Variants in NKX1-2 observed in about 807,000 individuals in gnomAD.
The protein encoded by NKX1-2 is NK1 homeobox 2, also known as NK1 transcription factor-related protein 2.
Under a neutral mutation model 4.4 loss-of-function variants are expected in NKX1-2, and 1 was observed. The observed-to-expected ratio is 0.23, with a 90% CI of 0.08 to 1.08. The LOEUF is 1.08. Among genes scored for constraint, NKX1-2 ranks in the 50% least tolerant of loss-of-function variants. NKX1-2 has a pLI of 0.55. For missense variants in NKX1-2, 503 were observed against 464.6 expected (o/e 1.08, Z -0.76); for synonymous variants, 235 against 228.0 (o/e 1.03, Z -0.28).
rs778064899 is a variant in NKX1-2 at position 124,448,046 on chromosome 10, G to T, written c.316C>A (p.Arg106=). The change falls in exon 2 of 2, where the codon CGG becomes AGG. Residue 106 remains arginine (R), a synonymous_variant. Coordinates refer to ENST00000451024, the MANE Select transcript of NKX1-2 (RefSeq NM_001146340.3). This position sits in a 1 kb window ranked among gnomAD's most constrained non-coding sequence, Gnocchi z 4.1. ...EDPRRPRLRE[R]AARLLPGLAR... ...AGGCCCGGCAGCAAGCGCGCAGCCC[G>T]CTCCCGCAGCCGCGGCCTCCTCGGA... The T allele has an allele frequency of 2.6e-6, 4 of 1,518,536 alleles. No individual in the cohort carries two copies. Among genetic ancestry groups the T allele is most frequent in the South Asian group, 1.2e-5 (1 of 83,004 alleles). 94.1% of individuals were successfully genotyped at this position (1,518,536 alleles called of 1,614,324 possible). A position where few individuals can be genotyped will look rare whatever the true frequency, so the allele number is the denominator to read the frequency against.
In NKX1-2 at chr10:124,448,933, G is replaced by A. The variant is rs545118599; in HGVS notation, c.215-786C>T. On this transcript the variant is annotated intron_variant, in intron 1 of 1. Transcript: ENST00000451024. The surrounding 1 kb of genome is among the most constrained non-coding windows in gnomAD (Gnocchi z 4.1). Reference sequence around the variant, plus strand: ...CAATCACCGCCAAACTTGGGGAGGGGAGCAGGGGGCTGCGCGGCATCCAGC... The same window carrying A: ...CAATCACCGCCAAACTTGGGGAGGGAAGCAGGGGGCTGCGCGGCATCCAGC... Among the ~76,000 whole-genome samples the A allele has an allele frequency of 6.6e-6, 1 of 152,276 alleles. No individual in the cohort carries two copies. The highest frequency in any genetic ancestry group is 1.5e-5 in the Non-Finnish European group (1 of 68,008).
chr10:124,448,036 C>T lies in NKX1-2; in HGVS notation c.326G>A (p.Arg109His). The change falls in exon 2 of 2, where the codon CGC becomes CAC. Residue 109 changes from arginine to histidine, a missense_variant. Coordinates refer to ENST00000451024, the MANE Select transcript of NKX1-2 (RefSeq NM_001146340.3). The surrounding 1 kb of genome is among the most constrained non-coding windows in gnomAD (Gnocchi z 4.1). ...RRPRLRERAA[R>H]LLPGLARSPD... ...TGAGCGCGCTAGGCCCGGCAGCAAG[C>T]GCGCAGCCCGCTCCCGCAGCCGCGG... 2.0e-6 allele frequency: 3 copies of T among 1,516,730 alleles called. No homozygotes were observed. The highest frequency in any genetic ancestry group is 2.6e-6 in the Non-Finnish European group (3 of 1,137,900). The allele number at this position is 1,516,730 out of a possible 1,614,324, so 94.0% of individuals were successfully genotyped here.
chr10:124,447,898 C>A lies in NKX1-2; in HGVS notation c.464G>T (p.Arg155Leu). Reference sequence around the variant, plus strand: ...CGGCTTGGCGCAGTTGGGCTCCAGGCGCCGGCGCCTGGGACGCGGGGAGCC... The same window carrying A: ...CGGCTTGGCGCAGTTGGGCTCCAGGAGCCGGCGCCTGGGACGCGGGGAGCC... ...SPGSPRPRRR[R>L]LEPNCAKPRR... Residue 155 changes from arginine (R) to leucine (L), a missense_variant, in exon 2 of 2, where the codon CGC becomes CTC. Arg to Leu is a moderately radical substitution (Grantham distance 102, BLOSUM62 -2). Coordinates refer to ENST00000451024, the MANE Select transcript of NKX1-2 (RefSeq NM_001146340.3). 2.8e-6 allele frequency: 4 copies of A among 1,415,666 alleles called. No homozygotes were observed. Among genetic ancestry groups the A allele is most frequent in the Non-Finnish European group, 3.7e-6 (4 of 1,079,900 alleles). 87.7% of individuals were successfully genotyped at this position (1,415,666 alleles called of 1,614,324 possible).
At position 124,448,259 on chromosome 10, in the gene NKX1-2, G is replaced by C; in HGVS notation, c.215-112C>G. ...CAACCCAACTCTGGGTGCTGCTCCTGTCCCCACATCGCGCTCCCCTTAGGC... is the reference window on the plus strand; with the variant it reads ...CAACCCAACTCTGGGTGCTGCTCCTCTCCCCACATCGCGCTCCCCTTAGGC... On this transcript the variant is annotated intron_variant, in intron 1 of 1. Coordinates refer to ENST00000451024, the MANE Select transcript of NKX1-2 (RefSeq NM_001146340.3). This position sits in a 1 kb window ranked among gnomAD's most constrained non-coding sequence, Gnocchi z 4.1. 2.3e-6 allele frequency: 3 copies of C among 1,317,764 alleles called. No individual in the cohort carries two copies. In the East Asian group the frequency reaches 9.4e-5, roughly 41 times the overall value. 81.6% of individuals were successfully genotyped at this position (1,317,764 alleles called of 1,614,324 possible). A position where few individuals can be genotyped will look rare whatever the true frequency, so the allele number is the denominator to read the frequency against.
Position 124,448,428 on chromosome 10 carries a change from G to T in NKX1-2, c.215-281C>A, listed in dbSNP as rs563261193. On this transcript the variant is annotated intron_variant, in intron 1 of 1. Coordinates refer to ENST00000451024, the MANE Select transcript of NKX1-2 (RefSeq NM_001146340.3). The surrounding 1 kb of genome is among the most constrained non-coding windows in gnomAD (Gnocchi z 4.1). ...TAAGAAAAAATAGTGACATTATTGG[G>T]TAACCATACTGGGGGGTAGGATCAT... The T allele has an allele frequency of 2.0e-5, 7 of 353,816 alleles. No individual in the cohort carries two copies. Among genetic ancestry groups the T allele is most frequent in the African/African-American group, 1.5e-4 (7 of 47,662 alleles). 21.9% of individuals were successfully genotyped at this position (353,816 alleles called of 1,614,324 possible).
chr10:124,447,618 G>A lies in NKX1-2; in HGVS notation c.744C>T (p.Gly248=), dbSNP rs1952253022. Residue 248 remains glycine, a synonymous_variant, in exon 2 of 2, where the codon GGC becomes GGT. Coordinates refer to ENST00000451024, the MANE Select transcript of NKX1-2 (RefSeq NM_001146340.3). ...PGAAGGGGGG[G]SGGSPGPPGT... is the part of the protein sequence containing the mutation. ...CGGGAGGGCCAGGACTGCCCCCCGAGCCGCCGCCGCCGCCGCCCCCCGCCG... is the reference window on the plus strand; with the variant it reads ...CGGGAGGGCCAGGACTGCCCCCCGAACCGCCGCCGCCGCCGCCCCCCGCCG... 1.6e-6 allele frequency: 2 copies of A among 1,265,956 alleles called. No individual in the cohort carries two copies. The highest frequency in any genetic ancestry group is 2.0e-6 in the Non-Finnish European group (2 of 1,005,606). The allele number at this position is 1,265,956 out of a possible 1,614,324, so 78.4% of individuals were successfully genotyped here. A position where few individuals can be genotyped will look rare whatever the true frequency, so the allele number is the denominator to read the frequency against.
In NKX1-2 at chr10:124,449,441, T is replaced by C; in HGVS notation, c.214+289A>G. ...TAAATGCCCGATAAATGAGTAAGCC[T>C]GGCAAGACAGGCGCCAGGTAAGTTT... On this transcript the variant is annotated intron_variant, in intron 1 of 1. Coordinates refer to ENST00000451024, the MANE Select transcript of NKX1-2 (RefSeq NM_001146340.3). This position sits in a 1 kb window ranked among gnomAD's most constrained non-coding sequence, Gnocchi z 7.5. 1 of 663,982 alleles carries C rather than the reference T, an allele frequency of 1.5e-6. No homozygotes were observed. The highest frequency in any genetic ancestry group is 2.8e-6 in the Non-Finnish European group (1 of 360,498). The allele number at this position is 663,982 out of a possible 1,614,324, so 41.1% of individuals were successfully genotyped here.
Position 124,447,564 on chromosome 10 carries a change from G to A in NKX1-2, c.798C>T (p.Phe266=), listed in dbSNP as rs1232397718. The A allele has an allele frequency of 3.1e-6, 4 of 1,274,344 alleles. No homozygotes were observed. The highest frequency in any genetic ancestry group is 4.0e-6 in the Non-Finnish European group (4 of 1,008,050). 78.9% of individuals were successfully genotyped at this position (1,274,344 alleles called of 1,614,324 possible). A position where few individuals can be genotyped will look rare whatever the true frequency, so the allele number is the denominator to read the frequency against. ...PGTGALHFQT[F]PSYSAANVLF... ...GGACATTGGCCGCGGAGTAGGAGGG[G>A]AAAGTCTGGAAGTGCAGAGCGCCGG... The change falls in exon 2 of 2, where the codon TTC becomes TTT. Residue 266 remains phenylalanine (F), a synonymous_variant. Transcript: ENST00000451024.
rs1052187729 is a variant in NKX1-2, at chr10:124,447,573, G to C, written c.789C>G (p.Phe263Leu). Reference sequence around the variant, plus strand: ...CCGCGGAGTAGGAGGGGAAAGTCTGGAAGTGCAGAGCGCCGGTGCCGGGAG... The same window carrying C: ...CCGCGGAGTAGGAGGGGAAAGTCTGCAAGTGCAGAGCGCCGGTGCCGGGAG... ...PGPPGTGALHFQTFPSYSAAN... is the reference protein window; with the variant it reads ...PGPPGTGALHLQTFPSYSAAN... Residue 263 changes from phenylalanine (F) to leucine (L), a missense_variant, in exon 2 of 2, where the codon TTC becomes TTG. Coordinates refer to ENST00000451024, the MANE Select transcript of NKX1-2 (RefSeq NM_001146340.3). 5.1e-5 allele frequency: 65 copies of C among 1,272,444 alleles called. No homozygotes were observed. The highest frequency in any genetic ancestry group is 6.2e-5 in the African/African-American group (4 of 64,636). The allele number at this position is 1,272,444 out of a possible 1,614,324, so 78.8% of individuals were successfully genotyped here.
At position 124,449,653 on chromosome 10, in the gene NKX1-2, G is replaced by A. The variant is rs1238148895; in HGVS notation, c.214+77C>T. On this transcript the variant is annotated intron_variant, in intron 1 of 1. Coordinates refer to ENST00000451024, the MANE Select transcript of NKX1-2 (RefSeq NM_001146340.3). This position sits in a 1 kb window ranked among gnomAD's most constrained non-coding sequence, Gnocchi z 7.5. ...AAGACGCTGTTAAGGGCCACTCACC[G>A]GGCCCGGCTGTTCCCCCATACACTC... is the stretch of plus-strand genomic sequence containing the variant. 1.4e-5 allele frequency: 16 copies of A among 1,112,598 alleles called. No individual in the cohort carries two copies. The highest frequency in any genetic ancestry group is 2.0e-5 in the Non-Finnish European group (15 of 754,884). The allele number at this position is 1,112,598 out of a possible 1,614,324, so 68.9% of individuals were successfully genotyped here.
chr10:124,448,072 T>C lies in NKX1-2; in HGVS notation c.290A>G (p.Asp97Gly), dbSNP rs1484928253. ...CTCCCGCAGCCGCGGCCTCCTCGGA[T>C]CCTCCGCATCCTCCTCCTCTTCCGC... Reference protein sequence around the residue: ...SEAEEEEDAEDPRRPRLRERA... With the variant: ...SEAEEEEDAEGPRRPRLRERA... The change falls in exon 2 of 2, where the codon GAT (aspartate) becomes GGT (glycine). Residue 97 changes from aspartate to glycine, a missense_variant. Physicochemically the swap from Asp to Gly is moderately conservative, Grantham distance 94. Transcript: ENST00000451024. This position sits in a 1 kb window ranked among gnomAD's most constrained non-coding sequence, Gnocchi z 4.1. 7 of 1,522,056 alleles carry C rather than the reference T, an allele frequency of 4.6e-6. No individual in the cohort carries two copies. In the South Asian group the frequency reaches 7.2e-5, roughly 16 times the overall value. 94.3% of individuals were successfully genotyped at this position (1,522,056 alleles called of 1,614,324 possible).
In NKX1-2 at chr10:124,446,618, T is replaced by C. The variant is rs1269309544; in HGVS notation, c.*811A>G. ...ATTAGTTGAGCCATCGCTGCCTTCA[T>C]TATCATTTTTATGCCTTTGGGGTCA... On this transcript the variant is annotated 3_prime_UTR_variant, in exon 2 of 2. Transcript: ENST00000451024. 6.6e-6 allele frequency: 1 copy of C among 152,204 alleles called. No homozygotes were observed. The highest frequency in any genetic ancestry group is 1.5e-5 in the Non-Finnish European group (1 of 68,040). The allele number at this position is 152,204 out of a possible 1,614,324, so 9.4% of individuals were successfully genotyped here. A position where few individuals can be genotyped will look rare whatever the true frequency, so the allele number is the denominator to read the frequency against.
At position 124,449,735 on chromosome 10, in the gene NKX1-2, G is replaced by T; in HGVS notation, c.209C>A (p.Thr70Asn). 1 of 1,550,414 alleles carries T rather than the reference G, an allele frequency of 6.4e-7. No homozygotes were observed. Among genetic ancestry groups the T allele is most frequent in the South Asian group, 1.2e-5 (1 of 84,050 alleles). ...GGGGCCGCCTTGCATCTTACCAGGGGTCTCCAGCTGTCGGACAGGGTCCCT... is the reference window on the plus strand; with the variant it reads ...GGGGCCGCCTTGCATCTTACCAGGGTTCTCCAGCTGTCGGACAGGGTCCCT... ...SSRDPVRQLE[T>N]PDAAGPGAGQ... The change falls in exon 1 of 2, where the codon ACC (threonine) becomes AAC (asparagine). Residue 70 changes from threonine to asparagine, a missense_variant. Coordinates refer to ENST00000451024, the MANE Select transcript of NKX1-2 (RefSeq NM_001146340.3). The surrounding 1 kb of genome is among the most constrained non-coding windows in gnomAD (Gnocchi z 7.5).
At position 124,448,008 on chromosome 10, in the gene NKX1-2, AGGTGAGC is replaced by A. The variant is rs1190888340; in HGVS notation, c.347_353del (p.Arg116LeufsTer22). ...ACGCCAATGCCCCGGCCGGGGCGTC[AGGTGAGC>A]GCGCTAGGCCCGGCAGCAAGCGCGC... On this transcript the variant is annotated frameshift_variant, in exon 2 of 2. Transcript: ENST00000451024. LOFTEE classifies it low-confidence loss of function (END_TRUNC). The surrounding 1 kb of genome is among the most constrained non-coding windows in gnomAD (Gnocchi z 4.1). 1 of 1,497,566 alleles carries A rather than the reference AGGTGAGC, an allele frequency of 6.7e-7. No homozygotes were observed. Among genetic ancestry groups the A allele is most frequent in the Admixed American group, 2.2e-5 (1 of 46,034 alleles). 92.8% of individuals were successfully genotyped at this position (1,497,566 alleles called of 1,614,324 possible).
At position 124,449,791 on chromosome 10, in the gene NKX1-2, C is replaced by T; in HGVS notation, c.153G>A (p.Ala51=). 2 of 1,551,722 alleles carry T rather than the reference C, an allele frequency of 1.3e-6. No homozygotes were observed. The highest frequency in any genetic ancestry group is 1.7e-6 in the Non-Finnish European group (2 of 1,146,990). ...TGGCATCTTTCCCCGCTTCGACCTC[C>T]GCCAAACTTTTCCTGGCTTCCCGGG... ...PAPREARKSL[A]EVEAGKDASS... is the part of the protein sequence containing the mutation. The change falls in exon 1 of 2, where the codon GCG becomes GCA. Residue 51 remains alanine, a synonymous_variant. Coordinates refer to ENST00000451024, the MANE Select transcript of NKX1-2 (RefSeq NM_001146340.3). This position sits in a 1 kb window ranked among gnomAD's most constrained non-coding sequence, Gnocchi z 7.5.
rs1952265764 is a variant in NKX1-2 at position 124,448,350 on chromosome 10, A to T, written c.215-203T>A. ...TCCTCTTGCCCTTTACAAATCTGCC[A>T]TCAAGTAGGCGTCCAAGAAATGTAC... On this transcript the variant is annotated intron_variant, in intron 1 of 1. Transcript: ENST00000451024. The surrounding 1 kb of genome is among the most constrained non-coding windows in gnomAD (Gnocchi z 4.1). 4.0e-6 allele frequency: 3 copies of T among 759,096 alleles called. No homozygotes were observed. Among genetic ancestry groups the T allele is most frequent in the Non-Finnish European group, 5.4e-6 (3 of 553,686 alleles). 47.0% of individuals were successfully genotyped at this position (759,096 alleles called of 1,614,324 possible).
chr10:124,449,533 T>C lies in NKX1-2; in HGVS notation c.214+197A>G. The stretch of plus-strand genomic sequence containing the variant: ...GGTGAGCAGGGATGCGGCAAATCCC[T>C]GCCCTGTAATGCGGGGAGCCTCCTC... On this transcript the variant is annotated intron_variant, in intron 1 of 1. Coordinates refer to ENST00000451024, the MANE Select transcript of NKX1-2 (RefSeq NM_001146340.3). The surrounding 1 kb of genome is among the most constrained non-coding windows in gnomAD (Gnocchi z 7.5). 1 of 700,862 alleles carries C rather than the reference T, an allele frequency of 1.4e-6. No individual in the cohort carries two copies. Among genetic ancestry groups the C allele is most frequent in the East Asian group, 2.7e-5 (1 of 37,188 alleles). 43.4% of individuals were successfully genotyped at this position (700,862 alleles called of 1,614,324 possible).
At position 124,448,873 on chromosome 10, in the gene NKX1-2, C is replaced by G. The variant is rs1952270607; in HGVS notation, c.215-726G>C. 6.6e-6 allele frequency among the ~76,000 whole-genome samples: 1 copy of G among 152,170 alleles called. No homozygotes were observed. The highest frequency in any genetic ancestry group is 1.5e-5 in the Non-Finnish European group (1 of 68,032). On this transcript the variant is annotated intron_variant, in intron 1 of 1. Transcript: ENST00000451024. This position sits in a 1 kb window ranked among gnomAD's most constrained non-coding sequence, Gnocchi z 4.1. The stretch of plus-strand genomic sequence containing the variant: ...AATTACCAGGCCGCCTGCCTGGGCC[C>G]AAGTGCGGCCGCCAGAGGCGCCCCG...
chr10:124,448,043 C>A lies in NKX1-2; in HGVS notation c.319G>T (p.Ala107Ser), dbSNP rs1401186078. 1.3e-6 allele frequency: 2 copies of A among 1,519,038 alleles called. No individual in the cohort carries two copies. The highest frequency in any genetic ancestry group is 8.8e-7 in the Non-Finnish European group (1 of 1,138,808). The allele number at this position is 1,519,038 out of a possible 1,614,324, so 94.1% of individuals were successfully genotyped here. Residue 107 changes from alanine (A) to serine (S), a missense_variant, in exon 2 of 2, where the codon GCT becomes TCT. Physicochemically the swap from Ala to Ser is moderately conservative, Grantham distance 99 (BLOSUM62 1). Transcript: ENST00000451024. The surrounding 1 kb of genome is among the most constrained non-coding windows in gnomAD (Gnocchi z 4.1). ...DPRRPRLRER[A>S]ARLLPGLARS... is the part of the protein sequence containing the mutation. ...GCTAGGCCCGGCAGCAAGCGCGCAG[C>A]CCGCTCCCGCAGCCGCGGCCTCCTC... is the stretch of plus-strand genomic sequence containing the variant.
Sources: allele counts gnomAD v4.1 joint callset (sites outside exome capture counted in the v4.1 genomes callset), GRCh38; gene constraint gnomAD v4.1.1; non-coding constraint Gnocchi (gnomAD v3.1); transcripts MANE v1.5; gene names NCBI Gene and HGNC (gene_info 2026-07-23, HGNC 2026-07-21).